ABCC4: variants seen among roughly 807,000 people sequenced by gnomAD.
ABCC4 encodes ATP binding cassette subfamily C member 4 (PEL blood group), also known as ATP-binding cassette sub-family C member 4.
Under a neutral mutation model 168.5 loss-of-function variants are expected in ABCC4, and 102 were observed. The ratio of observed to expected loss-of-function variants is 0.61; its 90% CI spans 0.52 to 0.71. ABCC4 has a LOEUF of 0.71. Ranked by LOEUF, ABCC4 falls within the 30% of genes least tolerant of loss-of-function variation. The probability of loss-of-function intolerance (pLI) is 0.00; values close to 1 mark genes in which losing one functional copy is unlikely to be tolerated. For missense variants in ABCC4, 1,402 were observed against 1,605.8 expected, an observed-to-expected ratio of 0.87 and a Z score of 2.17; for synonymous variants, 617 against 590.7, an observed-to-expected ratio of 1.04 and a Z score of -0.65.
intron 26 of ABCC4, among the ~76,000 whole-genome samples, chr13:95,055,111 A>C (rs563655191): frequency 6.6e-6 from 1 of 152,342 alleles, no homozygotes; most frequent in South Asian, 2.1e-4. Flanking sequence ...AAATTCCAAG[A>C]GTCACAGGTA....
intron 30 of ABCC4, among the ~76,000 whole-genome samples, chr13:95,024,579 C>T (rs1469619541): frequency 6.6e-6 from 1 of 152,186 alleles, no homozygotes; most frequent in African/African-American, 2.4e-5. Context: ...CATTGCATTC[C>T]TAAGATACCA....
chr13:95,155,692 G>A (rs753037162), intron 19 of ABCC4, among the ~76,000 whole-genome samples: 1 of 152,060 alleles, frequency 6.6e-6, no homozygotes, highest in Non-Finnish European at 1.5e-5. Context: ...AAAACACACT[G>A]GCTGTAACCC....
intron 12 of ABCC4, 84 bp from the exon 13 acceptor site, chr13:95,177,877 G>C: frequency 6.6e-7 from 1 of 1,506,206 alleles, no homozygotes; most frequent in South Asian, 1.2e-5. Context: ...AATGCCAACA[G>C]AATAACCCAA....
intron 30 of ABCC4, among the ~76,000 whole-genome samples, chr13:95,023,740 G>C (rs2031230934): frequency 6.6e-6 from 1 of 152,230 alleles, no homozygotes; most frequent in South Asian, 2.1e-4. Flanking sequence ...CAGCTCGAAG[G>C]ATGAAGACAA....
chr13:95,195,248 T>TTGAC (rs1488645515), intron 8 of ABCC4, among the ~76,000 whole-genome samples: 2 of 152,208 alleles, frequency 1.3e-5, no homozygotes, highest in Non-Finnish European at 2.9e-5. Flanking sequence ...ACAGCCTGCA[T>TTGAC]AGTTCTACTG....
In ABCC4 at chr13:95,116,102, A is replaced by G. The variant is rs562663774; in HGVS notation, c.2456-101T>C. ...AAAACAATATTTTAAATGCATATGT[A>G]TTTAATATATTATTCATATGAAATA... is the stretch of plus-strand genomic sequence containing the variant. On this transcript the variant is annotated intron_variant, in intron 19 of 30. Transcript: ENST00000645237. The G allele has an allele frequency of 5.4e-5, 41 of 760,608 alleles. No homozygotes were observed. The African/African-American group carries it at 6.2e-4, about 12-fold the overall frequency. 47.1% of individuals were successfully genotyped at this position (760,608 alleles called of 1,614,324 possible). A position where few individuals can be genotyped will look rare whatever the true frequency, so the allele number is the denominator to read the frequency against.
intron 1 of ABCC4, among the ~76,000 whole-genome samples, chr13:95,289,178 T>A (rs1301600008): frequency 6.6e-6 from 1 of 152,232 alleles, no homozygotes; most frequent in African/African-American, 2.4e-5. Context: ...TATTACATAA[T>A]CTCAATCACA....
In ABCC4 at chr13:95,253,152, G is replaced by A. The variant is rs532471469; in HGVS notation, c.75-5399C>T. 5.3e-5 allele frequency among the ~76,000 whole-genome samples: 8 copies of A among 152,172 alleles called. No homozygotes were observed. In the South Asian group the frequency reaches 6.2e-4, roughly 12 times the overall value. On this transcript the variant is annotated intron_variant, in intron 1 of 30. Coordinates refer to ENST00000645237, the MANE Select transcript of ABCC4 (RefSeq NM_005845.5). ...CTCCACGATAGAAAGGTTAGTGCAC[G>A]GCCAACCATGACTGCCCCGGGCTTT...
At chr13:95,030,108 T>C (rs1005183890) in intron 30 of ABCC4, among the ~76,000 whole-genome samples, 2 of 152,082 alleles carry the variant, frequency 1.3e-5, no homozygotes, top group East Asian at 1.9e-4. Flanking sequence ...GCAACCTCCA[T>C]CTCCTGGGTT....
chr13:95,191,351 C>T lies in ABCC4; in HGVS notation c.1264-2809G>A, dbSNP rs1300416526. Among the ~76,000 whole-genome samples the T allele has an allele frequency of 2.0e-5, 3 of 152,002 alleles. No individual in the cohort carries two copies. In the East Asian group the frequency reaches 5.8e-4, roughly 29 times the overall value. On this transcript the variant is annotated intron_variant, in intron 9 of 30. Transcript: ENST00000645237. ...GTCCCATACCACATCATAGGATGGC[C>T]GCAGACCAAAACGATCATGATCCCT... is the stretch of plus-strand genomic sequence containing the variant.
Position 95,064,718 on chromosome 13 carries a change from A to G in ABCC4, c.3211-1859T>C, listed in dbSNP as rs375218942. Among the ~76,000 whole-genome samples the G allele has an allele frequency of 3.9e-5, 6 of 152,210 alleles. No individual in the cohort carries two copies. In the East Asian group the frequency reaches 9.7e-4, roughly 25 times the overall value. ...ATGGACCCCCTCAAAGGTAGGGAAC[A>G]CTGAGGGCTGCCTACAACCATAAGA... On this transcript the variant is annotated intron_variant, in intron 25 of 30. Coordinates refer to ENST00000645237, the MANE Select transcript of ABCC4 (RefSeq NM_005845.5).
At chr13:95,130,290 A>C (rs1431395206) in intron 19 of ABCC4, among the ~76,000 whole-genome samples, 1 of 152,204 alleles carries the variant, frequency 6.6e-6, no homozygotes, top group East Asian at 1.9e-4. Context: ...ACAAACTATG[A>C]ACCAAAAACT....
intron 1 of ABCC4, among the ~76,000 whole-genome samples, chr13:95,287,586 CAA>C (rs35078344): frequency 7.3e-6 from 1 of 137,262 alleles, no homozygotes; most frequent in South Asian, 2.3e-4. Context: ...GACTTCGTCT[CAA>C]AAAAAAAAAA....
intron 12 of ABCC4, 92 bp from the exon 13 acceptor site, chr13:95,177,885 C>A: frequency 6.7e-7 from 1 of 1,495,670 alleles, no homozygotes; most frequent in Non-Finnish European, 9.3e-7. Flanking sequence ...CAGAATAACC[C>A]AAGAAGGTGC....
chr13:95,136,675 C>T (rs540310328), intron 19 of ABCC4, among the ~76,000 whole-genome samples: 6 of 152,288 alleles, frequency 3.9e-5, no homozygotes, highest in South Asian at 4.1e-4. Flanking sequence ...CAGGAAATTC[C>T]ACAGCCACAC....
intron 7 of ABCC4, 44 bp downstream of exon 7, chr13:95,207,756 A>G: frequency 1.3e-6 from 2 of 1,582,728 alleles, no homozygotes; most frequent in Non-Finnish European, 8.6e-7. Context: ...AGAATAGCAA[A>G]TAGAAAAATA....
At position 95,227,254 on chromosome 13, in the gene ABCC4, C is replaced by G. The variant is rs567083409; in HGVS notation, c.531+7356G>C. On this transcript the variant is annotated intron_variant, in intron 4 of 30. Coordinates refer to ENST00000645237, the MANE Select transcript of ABCC4 (RefSeq NM_005845.5). ...CCTTAACTTGCTTTCTTAGCTCAAA[C>G]TCCAAGCTATGGAAAGTTAACTTGG... Among the ~76,000 whole-genome samples the G allele has an allele frequency of 7.8e-4, 119 of 152,314 alleles. 2 individuals are homozygous for G. In the South Asian group the frequency reaches 0.014, roughly 19 times the overall value.
intron 1 of ABCC4, among the ~76,000 whole-genome samples, chr13:95,263,756 G>C (rs2040595436): frequency 6.6e-6 from 1 of 151,750 alleles, no homozygotes; most frequent in African/African-American, 2.4e-5. Flanking sequence ...CCAGGAAGCA[G>C]AGGTTACAGT....
At chr13:95,262,701 C>T (rs913849336) in intron 1 of ABCC4, among the ~76,000 whole-genome samples, 2 of 151,206 alleles carry the variant, frequency 1.3e-5, no homozygotes, top group African/African-American at 2.4e-5. Context: ...GGTGCGATCT[C>T]GGCTCACCAC....
Sources: gnomAD v4.1 joint callset for allele counts (sites outside exome capture counted in the v4.1 genomes callset) on GRCh38, gnomAD v4.1.1 for gene constraint, MANE v1.5 for transcripts, NCBI Gene and HGNC (gene_info 2026-07-23, HGNC 2026-07-21) for gene names.